SP140: variants seen among roughly 807,000 people sequenced by gnomAD.
SP140 encodes the protein nuclear body protein SP140.
A neutral mutation model predicts 125.0 loss-of-function variants in SP140; 81 were observed. That is an observed-to-expected ratio of 0.65 (90% CI 0.54 to 0.78). The LOEUF (loss-of-function observed/expected upper bound fraction) is 0.78, where lower values mean the gene tolerates loss of function less well. SP140 is among the 30% of genes least tolerant of loss of function. The probability of loss-of-function intolerance (pLI) is 0.00; values close to 1 mark genes in which losing one functional copy is unlikely to be tolerated. For missense variants in SP140, 858 were observed against 1,037.0 expected (o/e 0.83, Z 2.37); for synonymous variants, 312 against 354.0 (o/e 0.88, Z 1.33).
At chr2:230,265,800 C>G (rs554022723) in intron 12 of SP140, among the ~76,000 whole-genome samples, 3 of 150,100 alleles carry the variant, frequency 2.0e-5, no homozygotes, top group African/African-American at 4.9e-5. Flanking sequence ...CGGGGGGGGG[C>G]GGTCTCCTGG....
chr2:230,308,548 G>A (rs1322518486), intron 22 of SP140, among the ~76,000 whole-genome samples: 1 of 152,352 alleles, frequency 6.6e-6, no homozygotes, highest in East Asian at 1.9e-4. Flanking sequence ...GCCCGGTGGG[G>A]GTGGGCAGGC....
chr2:230,276,150 G>A (rs760844485), intron 15 of SP140, among the ~76,000 whole-genome samples: 14 of 152,176 alleles, frequency 9.2e-5, no homozygotes, highest in African/African-American at 1.4e-4. Flanking sequence ...CTAAACAACA[G>A]TTTTACAGTG....
At chr2:230,309,894 C>A in intron 22 of SP140, 30 bp from the exon 23 acceptor site, 4 of 1,610,930 alleles carry the variant, frequency 2.5e-6, no homozygotes, top group Non-Finnish European at 3.4e-6. Flanking sequence ...TTGCGGTTCC[C>A]AGTGACGTGG....
At chr2:230,196,812 A>T in the SP140 span, among the ~76,000 whole-genome samples, 1 of 151,714 alleles carries the variant, frequency 6.6e-6, no homozygotes, top group African/African-American at 2.4e-5. Context: ...TTGTCCTTGC[A>T]ATAGTTTGCA....
At chr2:230,270,783 C>T (rs1364445347) in intron 15 of SP140, 144 bp downstream of exon 15, 2 of 768,328 alleles carry the variant, frequency 2.6e-6, no homozygotes, top group South Asian at 1.5e-5. Flanking sequence ...AGATGTCTAC[C>T]TCCTAATCCC....
intron 12 of SP140, among the ~76,000 whole-genome samples, chr2:230,262,760 A>G (rs1283362904): frequency 1.3e-5 from 2 of 152,050 alleles, no homozygotes; most frequent in South Asian, 2.1e-4. Context: ...ATGTATTTGC[A>G]TGGTTTTGGA....
At chr2:230,275,237 G>A (rs2054542361) in intron 15 of SP140, among the ~76,000 whole-genome samples, 1 of 152,050 alleles carries the variant, frequency 6.6e-6, no homozygotes, top group African/African-American at 2.4e-5. Context: ...TCGTTTGATT[G>A]CACTTCACTT....
At chr2:230,292,242 G>A (rs1396717967) in intron 19 of SP140, among the ~76,000 whole-genome samples, 3 of 152,212 alleles carry the variant, frequency 2.0e-5, no homozygotes, top group African/African-American at 4.8e-5. Flanking sequence ...GTAGCCCCAA[G>A]TTGAGGATTC....
At chr2:230,245,238 C>T (rs1356675385) in intron 6 of SP140, among the ~76,000 whole-genome samples, 158 bp downstream of exon 6, 2 of 152,054 alleles carry the variant, frequency 1.3e-5, no homozygotes, top group Admixed American at 6.5e-5. Flanking sequence ...AGGTAAAGGA[C>T]GGCTAAGTCC....
rs573350532 is a variant in SP140, at chr2:230,284,347, A to C, written c.1500A>C (p.Arg500Ser). 1 of 1,604,066 alleles carries C rather than the reference A, an allele frequency of 6.2e-7. No homozygotes were observed. Among genetic ancestry groups the C allele is most frequent in the Non-Finnish European group, 8.5e-7 (1 of 1,175,510 alleles). The change falls in exon 16 of 27, where the codon AGA becomes AGC. Residue 500 changes from arginine (R) to serine (S), a missense_variant and splice_region_variant. Physicochemically the swap from Arg to Ser is moderately radical, Grantham distance 110 (BLOSUM62 -1). Transcript: ENST00000392045. The stretch of plus-strand genomic sequence containing the variant: ...AACTTTATTCTCTTTGGTTTGAAGG[A>C]AAAAAGAGGGGGCATGGCTGGAGCA... The part of the protein sequence containing the change: ...STLGKPKRKR[R>S]KKRGHGWSRM...
chr2:230,217,833 C>T (rs1419596744), intron 3 of SP140, among the ~76,000 whole-genome samples: 3 of 152,182 alleles, frequency 2.0e-5, no homozygotes, highest in African/African-American at 4.8e-5. Context: ...AGGGACCACC[C>T]TAAAATGGGT....
chr2:230,297,506 C>T, intron 22 of SP140, 44 bp downstream of exon 22: 1 of 1,600,826 alleles, frequency 6.2e-7, no homozygotes, highest in East Asian at 2.2e-5. Context: ...TATTCCACTC[C>T]TTTCTCCAGG....
chr2:230,267,526 G>A (rs78239129), intron 12 of SP140, among the ~76,000 whole-genome samples: 1 of 152,128 alleles, frequency 6.6e-6, no homozygotes, highest in Non-Finnish European at 1.5e-5. Context: ...AGACCTACTT[G>A]TCAAATGTGT....
At chr2:230,284,456 G>A (rs1043670257) in intron 16 of SP140, 45 bp downstream of exon 16, 9 of 1,527,498 alleles carry the variant, frequency 5.9e-6, no homozygotes, top group Non-Finnish European at 7.2e-6. Context: ...AGTTTATTAG[G>A]GCACTGTCCA....
At chr2:230,242,430 G>C (rs6720816) in intron 4 of SP140, among the ~76,000 whole-genome samples, 80,669 of 151,884 alleles carry the variant, frequency 0.53, 21,993 homozygotes, top group African/African-American at 0.64. Context: ...GCACTTGCAT[G>C]ATACTCAGAT....
At chr2:230,204,057 C>T (rs944603375) in intron 1 of SP140, among the ~76,000 whole-genome samples, 2 of 152,144 alleles carry the variant, frequency 1.3e-5, no homozygotes, top group Non-Finnish European at 2.9e-5. Context: ...AAATTAAAAG[C>T]ACATCATCTG....
At chr2:230,219,675 T>C (rs191378163) in intron 3 of SP140, 3 of 153,138 alleles carry the variant, frequency 2.0e-5, no homozygotes, top group South Asian at 2.1e-4. Flanking sequence ...GGCTGGACTC[T>C]GGCGAAAAAA....
Position 230,308,287 on chromosome 2 carries a change from G to A in SP140, c.2059-1637G>A, listed in dbSNP as rs540144115. 8.5e-5 allele frequency among the ~76,000 whole-genome samples: 13 copies of A among 152,062 alleles called. No individual in the cohort carries two copies. The South Asian group carries it at 2.1e-3, about 24-fold the overall frequency. On this transcript the variant is annotated intron_variant, in intron 22 of 26. Transcript: ENST00000392045. ...TAAAAGACTACACATTGGGTACAGC[G>A]TACACTGCTCTTGTGATGAGTGCAC... is the stretch of plus-strand genomic sequence containing the variant.
the SP140 span, among the ~76,000 whole-genome samples, chr2:230,193,915 C>G: frequency 6.6e-6 from 1 of 152,142 alleles, no homozygotes; most frequent in Admixed American, 6.5e-5. Context: ...CAAAAATTAC[C>G]TGTACCTATC....
Sources: allele counts gnomAD v4.1 joint callset (sites outside exome capture counted in the v4.1 genomes callset), GRCh38; gene constraint gnomAD v4.1.1; transcripts MANE v1.5; gene names NCBI Gene and HGNC (gene_info 2026-07-23, HGNC 2026-07-21).